THSD4: variants seen among roughly 807,000 people sequenced by gnomAD.
THSD4 encodes thrombospondin type-1 domain-containing protein 4.
Under a neutral mutation model 119.0 loss-of-function variants are expected in THSD4, and 69 were observed. The observed-to-expected ratio is 0.58, with a 90% confidence interval of 0.48 to 0.71. The LOEUF (loss-of-function observed/expected upper bound fraction) is 0.71, where lower values mean the gene tolerates loss of function less well. THSD4 is among the 30% of genes least tolerant of loss of function. THSD4 has a pLI of 0.00. For missense variants in THSD4, 1,393 were observed against 1,391.1 expected, an observed-to-expected ratio of 1.00 and a Z score of -0.02; for synonymous variants, 524 against 540.4, an observed-to-expected ratio of 0.97 and a Z score of 0.42.
chr15:71,224,986 G>A (rs1212661158), intron 4 of THSD4, among the ~76,000 whole-genome samples: 1 of 152,090 alleles, frequency 6.6e-6, no homozygotes, highest in Admixed American at 6.5e-5. Context: ...GAAGGGAGGG[G>A]GGACATTATC....
chr15:71,240,058 TG>T (rs1348562390), intron 4 of THSD4, among the ~76,000 whole-genome samples: 3 of 152,236 alleles, frequency 2.0e-5, no homozygotes, highest in Non-Finnish European at 4.4e-5. Flanking sequence ...GCTCTGTCAT[TG>T]GGTTTTGAAT....
At chr15:71,715,842 G>T (rs1312591447) in intron 8 of THSD4, among the ~76,000 whole-genome samples, 1 of 150,378 alleles carries the variant, frequency 6.6e-6, no homozygotes, top group African/African-American at 2.5e-5. Flanking sequence ...TGGTGTTTTA[G>T]TCTTTTGCAA....
intron 1 of THSD4, among the ~76,000 whole-genome samples, chr15:71,123,665 A>G (rs2040428396): frequency 6.6e-6 from 1 of 152,212 alleles, no homozygotes; most frequent in Non-Finnish European, 1.5e-5. Flanking sequence ...GGGGACCCAG[A>G]CAGGCATCAG....
chr15:71,153,689 G>A (rs1845835504), intron 2 of THSD4, among the ~76,000 whole-genome samples: 1 of 152,160 alleles, frequency 6.6e-6, no homozygotes, highest in Non-Finnish European at 1.5e-5. Flanking sequence ...CCACCCTGAC[G>A]TGATGGTTTT....
chr15:71,473,951 G>T (rs1566997376), intron 7 of THSD4, among the ~76,000 whole-genome samples: 1 of 152,162 alleles, frequency 6.6e-6, no homozygotes, highest in Non-Finnish European at 1.5e-5. Flanking sequence ...GGTTTTCAAA[G>T]CATCCCGGGA....
intron 14 of THSD4, among the ~76,000 whole-genome samples, chr15:71,757,432 T>TTA (rs2053558324): frequency 2.0e-5 from 3 of 150,644 alleles, no homozygotes; most frequent in African/African-American, 4.9e-5. Context: ...TATATTTTTT[T>TTA]ATTTTTATTT....
intron 7 of THSD4, among the ~76,000 whole-genome samples, chr15:71,615,655 T>G (rs2050307649): frequency 6.6e-6 from 1 of 152,114 alleles, no homozygotes; most frequent in African/African-American, 2.4e-5. Context: ...GTTAACAATG[T>G]CAAAGGGAAA....
chr15:71,215,488 C>A, intron 4 of THSD4, 89 bp downstream of exon 4: 2 of 1,294,444 alleles, frequency 1.5e-6, no homozygotes, highest in South Asian at 1.6e-5. Flanking sequence ...CTGCTCTGCA[C>A]CACAGACAGT....
chr15:71,313,085 G>A (rs2045134676), intron 6 of THSD4, among the ~76,000 whole-genome samples: 1 of 151,998 alleles, frequency 6.6e-6, no homozygotes, highest in East Asian at 1.9e-4. Flanking sequence ...ATAAAATTAA[G>A]GTTTTTTTCC....
At chr15:71,309,074 C>T (rs556171253) in intron 6 of THSD4, among the ~76,000 whole-genome samples, 6 of 152,282 alleles carry the variant, frequency 3.9e-5, no homozygotes, top group Middle Eastern at 3.4e-3. Flanking sequence ...TTCAGCCTCC[C>T]GAGTAGCTGT....
At chr15:71,593,859 G>A (rs1054308904) in intron 7 of THSD4, among the ~76,000 whole-genome samples, 8 of 151,928 alleles carry the variant, frequency 5.3e-5, no homozygotes, top group African/African-American at 1.9e-4. Flanking sequence ...AGCCATGATT[G>A]CGCCACTGCA....
chr15:71,394,131 G>A (rs75304162), intron 6 of THSD4, among the ~76,000 whole-genome samples: 5,428 of 150,652 alleles, frequency 0.036, 314 homozygotes, highest in African/African-American at 0.13. Context: ...AATGTGTGCT[G>A]CATATCTGAG....
At chr15:71,371,078 T>G (rs1204190643) in intron 6 of THSD4, among the ~76,000 whole-genome samples, 1 of 152,206 alleles carries the variant, frequency 6.6e-6, no homozygotes, top group Non-Finnish European at 1.5e-5. Flanking sequence ...AAAGTCTGTT[T>G]TATCAGAGAC....
At chr15:71,737,565 A>G (rs980692889) in intron 10 of THSD4, among the ~76,000 whole-genome samples, 167 bp from the exon 11 acceptor site, 4 of 152,168 alleles carry the variant, frequency 2.6e-5, no homozygotes, top group African/African-American at 9.7e-5. Flanking sequence ...TTTGCATGTG[A>G]GGGAAAGCAC....
At chr15:71,269,522 C>G (rs951392883) in intron 6 of THSD4, among the ~76,000 whole-genome samples, 1 of 152,074 alleles carries the variant, frequency 6.6e-6, no homozygotes, top group East Asian at 1.9e-4. Flanking sequence ...TGGAAGCATT[C>G]CCTTTGAAAA....
intron 7 of THSD4, among the ~76,000 whole-genome samples, chr15:71,607,225 C>A (rs1216415618): frequency 6.6e-6 from 1 of 152,162 alleles, no homozygotes; most frequent in Non-Finnish European, 1.5e-5. Context: ...TTAGGAGCTT[C>A]TCCAGAGGTT....
At chr15:71,617,397 G>T (rs951449548) in intron 7 of THSD4, among the ~76,000 whole-genome samples, 11 of 151,868 alleles carry the variant, frequency 7.2e-5, no homozygotes, top group African/African-American at 2.7e-4. Context: ...ATTTCTCATT[G>T]CCTTCTCTTT....
At chr15:71,134,461 T>C (rs1434632707) in intron 1 of THSD4, among the ~76,000 whole-genome samples, 3 of 152,226 alleles carry the variant, frequency 2.0e-5, no homozygotes, top group Non-Finnish European at 2.9e-5. Context: ...TGGCTGAACA[T>C]TGGCAAAAGC....
intron 8 of THSD4, among the ~76,000 whole-genome samples, chr15:71,713,378 G>A (rs2052550930): frequency 6.6e-6 from 1 of 152,146 alleles, no homozygotes; most frequent in African/African-American, 2.4e-5. Context: ...AGAGGCTGTT[G>A]TATGGAGGTC....
Sources: gnomAD v4.1 joint callset for allele counts (sites outside exome capture counted in the v4.1 genomes callset) on GRCh38, gnomAD v4.1.1 for gene constraint, MANE v1.5 for transcripts, NCBI Gene and HGNC (gene_info 2026-07-23, HGNC 2026-07-21) for gene names.